The following GRM5 variants were observed in gnomAD, a reference collection of about 807,000 sequenced individuals.
GRM5 encodes glutamate metabotropic receptor 5, also known as metabotropic glutamate receptor 5.
A neutral mutation model predicts 83.1 loss-of-function variants in GRM5; 19 were observed. That is an observed-to-expected ratio of 0.23 (90% CI 0.16 to 0.34). The LOEUF is 0.34. GRM5 is among the 10% of genes least tolerant of loss of function. The probability of loss-of-function intolerance (pLI) is 1.00; values close to 1 mark genes in which losing one functional copy is unlikely to be tolerated. For synonymous variants in GRM5, 675 were observed against 633.6 expected (o/e 1.07, Z -0.98); for missense variants, 1,160 against 1,588.3 (o/e 0.73, Z 4.58).
chr11:88,864,643 T>G (rs1206463374), intron 2 of GRM5, among the ~76,000 whole-genome samples: 1 of 152,042 alleles, frequency 6.6e-6, no homozygotes, highest in Non-Finnish European at 1.5e-5. Context: ...CCTTTCTTCT[T>G]ATGTGAATGC....
At chr11:88,807,582 T>G (rs951197641) in intron 3 of GRM5, among the ~76,000 whole-genome samples, 4 of 152,108 alleles carry the variant, frequency 2.6e-5, no homozygotes, top group African/African-American at 7.2e-5. Flanking sequence ...TGCTGGGCCC[T>G]GTGAGTCGAG....
chr11:88,871,751 C>G (rs562599161), intron 2 of GRM5, among the ~76,000 whole-genome samples: 1 of 151,576 alleles, frequency 6.6e-6, no homozygotes, highest in African/African-American at 2.4e-5. Context: ...ATTTAAAATA[C>G]TGTGTGTACT....
intron 2 of GRM5, among the ~76,000 whole-genome samples, chr11:88,936,630 G>A (rs1033226273): frequency 3.3e-5 from 5 of 151,756 alleles, no homozygotes; most frequent in African/African-American, 1.2e-4. Context: ...TGATATGAAG[G>A]ATGGAAATAT....
At chr11:88,985,610 T>C (rs1279726797) in intron 2 of GRM5, among the ~76,000 whole-genome samples, 1 of 152,170 alleles carries the variant, frequency 6.6e-6, no homozygotes, top group Non-Finnish European at 1.5e-5. Context: ...AATGTTTCAC[T>C]TTTCCATATT....
chr11:88,539,228 C>A (rs1324221359), intron 8 of GRM5, among the ~76,000 whole-genome samples: 3 of 152,338 alleles, frequency 2.0e-5, no homozygotes, highest in South Asian at 2.1e-4. Flanking sequence ...ATGCCCCTGG[C>A]AAGGCCCTGT....
intron 2 of GRM5, among the ~76,000 whole-genome samples, chr11:88,891,040 T>C (rs1945135910): frequency 6.6e-6 from 1 of 152,112 alleles, no homozygotes; most frequent in Non-Finnish European, 1.5e-5. Context: ...GGTCTTTTCA[T>C]AAACTGAGCA....
chr11:88,964,536 C>T (rs1938887080), intron 2 of GRM5, among the ~76,000 whole-genome samples: 1 of 152,028 alleles, frequency 6.6e-6, no homozygotes, highest in African/African-American at 2.4e-5. Flanking sequence ...ACAGGACAGC[C>T]AACTGTCCAC....
chr11:88,568,755 T>G (rs1942923062), intron 7 of GRM5, among the ~76,000 whole-genome samples: 1 of 152,068 alleles, frequency 6.6e-6, no homozygotes, highest in Non-Finnish European at 1.5e-5. Context: ...GAAAAAGATA[T>G]GAAATATGAC....
At chr11:89,063,959 G>A (rs1035048940) in intron 1 of GRM5, among the ~76,000 whole-genome samples, 3 of 152,118 alleles carry the variant, frequency 2.0e-5, no homozygotes, top group Admixed American at 6.5e-5. Context: ...TAAATTCTAA[G>A]AATAAACCTG....
intron 8 of GRM5, among the ~76,000 whole-genome samples, chr11:88,528,368 A>G (rs1166516504): frequency 6.6e-6 from 1 of 152,038 alleles, no homozygotes; most frequent in Non-Finnish European, 1.5e-5. Flanking sequence ...TATTCACCAG[A>G]TATTTAAATA....
intron 4 of GRM5, among the ~76,000 whole-genome samples, chr11:88,652,026 A>G (rs1939645815): frequency 6.6e-6 from 1 of 151,964 alleles, no homozygotes; most frequent in Non-Finnish European, 1.5e-5. Flanking sequence ...CTCTTTGTGG[A>G]CTAGAATTGG....
intron 4 of GRM5, among the ~76,000 whole-genome samples, chr11:88,628,979 C>A (rs777182647): frequency 1.2e-4 from 19 of 152,162 alleles, no homozygotes; most frequent in Admixed American, 5.9e-4. Context: ...TAGCACACAT[C>A]ACTTTAGCTC....
At chr11:88,807,768 A>G (rs966135135) in intron 3 of GRM5, among the ~76,000 whole-genome samples, 1 of 152,040 alleles carries the variant, frequency 6.6e-6, no homozygotes, top group African/African-American at 2.4e-5. Context: ...TTTTTTAGGC[A>G]TCTGAAATTA....
chr11:88,706,987 A>G (rs1186168609), intron 3 of GRM5, among the ~76,000 whole-genome samples: 1 of 152,000 alleles, frequency 6.6e-6, no homozygotes, highest in Non-Finnish European at 1.5e-5. Flanking sequence ...GTGAAGTAGA[A>G]CCTTCTTTCT....
At chr11:88,770,169 A>G (rs1942703084) in intron 3 of GRM5, among the ~76,000 whole-genome samples, 1 of 152,112 alleles carries the variant, frequency 6.6e-6, no homozygotes, top group Non-Finnish European at 1.5e-5. Context: ...CTTTCAAAGT[A>G]ATTGAAAGCA....
At chr11:88,582,809 G>C (rs1360854200) in intron 7 of GRM5, among the ~76,000 whole-genome samples, 1 of 152,100 alleles carries the variant, frequency 6.6e-6, no homozygotes, top group Non-Finnish European at 1.5e-5. Context: ...CATGTGACCA[G>C]CTTGAAGCCG....
chr11:88,597,255 C>G lies in GRM5; in HGVS notation c.1492G>C (p.Glu498Gln), dbSNP rs776302873. 4 of 1,606,332 alleles carry G rather than the reference C, an allele frequency of 2.5e-6. No homozygotes were observed. Among genetic ancestry groups the G allele is most frequent in the Non-Finnish European group, 3.4e-6 (4 of 1,173,344 alleles). Residue 498 changes from glutamate (E) to glutamine (Q), a missense_variant, in exon 6 of 10, where the codon GAA becomes CAA. By Grantham distance (29) the Glu-to-Gln change is conservative. This residue lies in a region of GRM5 where 30 missense variants were observed against 19.7 expected (regional missense o/e 1.52). Transcript: ENST00000305447. ...DNGELKMDDD[E>Q]VWSKKSNIIR... ...ATGTTGCTTTTCTTGGACCATACTT[C>G]ATCATCATCCATTTTTAATTCTCCA... is the stretch of plus-strand genomic sequence containing the variant.
At chr11:88,685,061 T>A (rs1940586025) in intron 3 of GRM5, among the ~76,000 whole-genome samples, 2 of 152,058 alleles carry the variant, frequency 1.3e-5, no homozygotes, top group South Asian at 4.2e-4. Flanking sequence ...GTTCGAACAG[T>A]TTGGAGGGCT....
intron 3 of GRM5, among the ~76,000 whole-genome samples, chr11:88,838,995 A>G (rs1359357136): frequency 2.0e-5 from 3 of 152,066 alleles, no homozygotes; most frequent in African/African-American, 7.2e-5. Flanking sequence ...TTTAAGCTAT[A>G]TCTGCCCCAA....
Sources: allele counts gnomAD v4.1 joint callset (sites outside exome capture counted in the v4.1 genomes callset), GRCh38; gene constraint gnomAD v4.1.1; regional missense constraint gnomAD v4.1.1; transcripts MANE v1.5; gene names NCBI Gene and HGNC (gene_info 2026-07-23, HGNC 2026-07-21).